The following ZFYVE16 variants were observed in gnomAD, a reference collection of about 807,000 sequenced individuals.
ZFYVE16 encodes zinc finger FYVE-type containing 16.
A neutral mutation model predicts 138.1 loss-of-function variants in ZFYVE16; 89 were observed. The ratio of observed to expected loss-of-function variants is 0.64; its 90% CI spans 0.54 to 0.77. The LOEUF is 0.77. Among genes scored for constraint, ZFYVE16 ranks in the 30% least tolerant of loss-of-function variants. The pLI is 0.00. For synonymous variants in ZFYVE16, 596 were observed against 618.3 expected (o/e 0.96, Z 0.53); for missense variants, 1,793 against 1,786.7 (o/e 1.00, Z -0.06).
chr5:80,458,909 A>G (rs1216060902), intron 14 of ZFYVE16, among the ~76,000 whole-genome samples: 2 of 152,232 alleles, frequency 1.3e-5, no homozygotes, highest in Non-Finnish European at 2.9e-5. Flanking sequence ...TCCATCAATT[A>G]TTAATAAAAA....
At chr5:80,427,610 C>CTTTTTTTTTTTTTTTTTTTT in intron 2 of ZFYVE16, 65 bp downstream of exon 2, 20 of 50,006 alleles carry the variant, frequency 4.0e-4, no homozygotes, top group Non-Finnish European at 6.6e-4. Flanking sequence ...CTGTCGTATG[C>CTTTTTTTTTTTTTTTTTTTT]TTTTTTTTTT....
intron 1 of ZFYVE16, chr5:80,409,808 T>G (rs186223402): frequency 6.6e-6 from 1 of 152,316 alleles, no homozygotes; most frequent in East Asian, 1.9e-4. Context: ...GACCACAGTT[T>G]GAGAAAGCTG....
intron 1 of ZFYVE16, among the ~76,000 whole-genome samples, chr5:80,408,406 G>A (rs919043345): frequency 6.6e-6 from 1 of 152,220 alleles, no homozygotes; most frequent in African/African-American, 2.4e-5. Context: ...GGCAATCACG[G>A]CGGCTGTTTG....
chr5:80,470,844 G>A (rs1238802871), intron 15 of ZFYVE16, among the ~76,000 whole-genome samples: 1 of 152,108 alleles, frequency 6.6e-6, no homozygotes, highest in East Asian at 1.9e-4. Flanking sequence ...ATTTGTCATT[G>A]TTATATGTAG....
intron 7 of ZFYVE16, among the ~76,000 whole-genome samples, chr5:80,445,903 T>G (rs2112428472): frequency 7.4e-6 from 1 of 135,820 alleles, no homozygotes; most frequent in Middle Eastern, 3.5e-3. Context: ...GATTTTACCT[T>G]TTTTTTTTTT....
chr5:80,434,663 A>T (rs1037545966), intron 3 of ZFYVE16, among the ~76,000 whole-genome samples: 7 of 151,884 alleles, frequency 4.6e-5, no homozygotes, highest in Non-Finnish European at 7.4e-5. Flanking sequence ...TAGAGACAGA[A>T]TCTTCCTATG....
rs1749943222 is a variant in ZFYVE16, at chr5:80,436,608, A to G, written c.71-148A>G. ...AATGCTCTAAAGGAAATACAAAAAT[A>G]GTTTTGGAGGTGATTTGTGTTTTGC... On this transcript the variant is annotated intron_variant, in intron 3 of 18. Coordinates refer to ENST00000505560, the MANE Select transcript of ZFYVE16 (RefSeq NM_001284236.3). 6 of 631,784 alleles carry G rather than the reference A, an allele frequency of 9.5e-6. No homozygotes were observed. The South Asian group carries it at 1.8e-4, about 19-fold the overall frequency. 39.1% of individuals were successfully genotyped at this position (631,784 alleles called of 1,614,324 possible).
In ZFYVE16 at chr5:80,440,015, A is replaced by C; in HGVS notation, c.2402A>C (p.Tyr801Ser). The change falls in exon 5 of 19, where the codon TAT (tyrosine) becomes TCT (serine). Residue 801 changes from tyrosine to serine, a missense_variant. Physicochemically the swap from Tyr to Ser is moderately radical, Grantham distance 144. This residue lies in a region of ZFYVE16 where 1,295 missense variants were observed against 1,204.3 expected (regional missense o/e 1.08). Coordinates refer to ENST00000505560, the MANE Select transcript of ZFYVE16 (RefSeq NM_001284236.3). ...GAAGCAAGAGTATGTGTAGTCTGCT[A>C]TGAAACTATTAGTAAAGGTGAGTAT... ...EKEARVCVVC[Y>S]ETISKAQAFE... is the part of the protein sequence containing the mutation. 6.2e-7 allele frequency: 1 copy of C among 1,609,498 alleles called. No individual in the cohort carries two copies. Among genetic ancestry groups the C allele is most frequent in the Non-Finnish European group, 8.5e-7 (1 of 1,177,782 alleles).
intron 15 of ZFYVE16, among the ~76,000 whole-genome samples, chr5:80,465,400 G>GTTTTGTTTTTTTTTTTTTTTTTTTTT (rs762431523): frequency 3.7e-5 from 1 of 26,780 alleles, no homozygotes; most frequent in African/African-American, 1.0e-4. Context: ...CCTTTTCTTT[G>GTTTTGTTTTTTTTTTTTTTTTTTTTT]TTTTTTTTTT....
intron 14 of ZFYVE16, 101 bp from the exon 15 acceptor site, chr5:80,459,312 AT>A (rs1252516719): frequency 1.2e-5 from 10 of 836,240 alleles, no homozygotes; most frequent in African/African-American, 1.7e-5. Flanking sequence ...TGGGTATAAC[AT>A]TTATTGAGTA....
At chr5:80,434,580 A>G (rs940001966) in intron 3 of ZFYVE16, among the ~76,000 whole-genome samples, 3 of 152,026 alleles carry the variant, frequency 2.0e-5, no homozygotes, top group Non-Finnish European at 4.4e-5. Context: ...AGGCTCAAGC[A>G]TTTCTCCCAC....
intron 1 of ZFYVE16, among the ~76,000 whole-genome samples, chr5:80,416,316 C>T (rs1350679214): frequency 1.6e-5 from 2 of 124,428 alleles, no homozygotes; most frequent in Non-Finnish European, 3.2e-5. Flanking sequence ...AGTGCAGTGG[C>T]GTGATCTCGG....
At chr5:80,456,129 T>C (rs1483800173) in intron 12 of ZFYVE16, 1 of 294,304 alleles carries the variant, frequency 3.4e-6, no homozygotes, top group African/African-American at 2.2e-5. Flanking sequence ...TTTGAGCAAA[T>C]TATGGCCTTA....
At chr5:80,411,216 T>C (rs1356068950) in intron 1 of ZFYVE16, among the ~76,000 whole-genome samples, 5 of 148,330 alleles carry the variant, frequency 3.4e-5, no homozygotes, top group African/African-American at 7.4e-5. Context: ...TCTCTTGACC[T>C]TGTGATCTGC....
chr5:80,463,881 C>T (rs1358549673), intron 15 of ZFYVE16, among the ~76,000 whole-genome samples: 1 of 152,176 alleles, frequency 6.6e-6, no homozygotes, highest in Non-Finnish European at 1.5e-5. Context: ...GGGCAAAATT[C>T]TGCCAGTCTC....
Position 80,434,159 on chromosome 5 carries a change from TTTTA to T in ZFYVE16, c.13_16del (p.Phe5LysfsTer75). ...AGTCTGCAGGTAGGATGGACAGTTA[TTTTA>T]AAGCAGCTGTCAGTGACTTGGACAA... On this transcript the variant is annotated frameshift_variant, in exon 3 of 19. Coordinates refer to ENST00000505560, the MANE Select transcript of ZFYVE16 (RefSeq NM_001284236.3). LOFTEE classifies it high-confidence loss of function. 1 of 1,613,408 alleles carries T rather than the reference TTTTA, an allele frequency of 6.2e-7. No individual in the cohort carries two copies. Among genetic ancestry groups the T allele is most frequent in the South Asian group, 1.1e-5 (1 of 90,986 alleles).
chr5:80,445,348 A>G lies in ZFYVE16; in HGVS notation c.2667A>G (p.Ser889=). The change falls in exon 7 of 19, where the codon TCA becomes TCG. Residue 889 remains serine, a synonymous_variant. Coordinates refer to ENST00000505560, the MANE Select transcript of ZFYVE16 (RefSeq NM_001284236.3). ...AAGTTGCAGATACAACAAAATTATC[A>G]TCTGGAAGTAAAAGATGTTCTGAAG... ...NGEVADTTKL[S]SGSKRCSEDF... 3 of 1,614,006 alleles carry G rather than the reference A, an allele frequency of 1.9e-6. No homozygotes were observed. Among genetic ancestry groups the G allele is most frequent in the South Asian group, 2.2e-5 (2 of 91,072 alleles).
intron 2 of ZFYVE16, among the ~76,000 whole-genome samples, chr5:80,428,205 C>T (rs1580157275): frequency 6.6e-6 from 1 of 152,198 alleles, no homozygotes; most frequent in Non-Finnish European, 1.5e-5. Flanking sequence ...GAGGCACCCC[C>T]GAGTAGGGGC....
intron 12 of ZFYVE16, 25 bp downstream of exon 12, chr5:80,455,799 G>C: frequency 6.5e-7 from 1 of 1,535,904 alleles, no homozygotes; most frequent in Non-Finnish European, 8.8e-7. Flanking sequence ...TATTTTATTA[G>C]GTATTTTTAT....
Sources: allele counts gnomAD v4.1 joint callset (sites outside exome capture counted in the v4.1 genomes callset), GRCh38; gene constraint gnomAD v4.1.1; regional missense constraint gnomAD v4.1.1; transcripts MANE v1.5; gene names NCBI Gene and HGNC (gene_info 2026-07-23, HGNC 2026-07-21).